The following DENND2C variants were observed in gnomAD, a reference collection of about 807,000 sequenced individuals.
DENND2C encodes the protein DENN domain containing 2C, also known as DENN domain-containing protein 2C.
Under a neutral mutation model 112.4 loss-of-function variants are expected in DENND2C, and 72 were observed. The ratio of observed to expected loss-of-function variants is 0.64; its 90% confidence interval spans 0.53 to 0.78. The LOEUF is 0.78. Ranked by LOEUF, DENND2C falls within the 30% of genes least tolerant of loss-of-function variation. The probability of loss-of-function intolerance (pLI) is 0.00; values close to 1 mark genes in which losing one functional copy is unlikely to be tolerated. For synonymous variants in DENND2C, 329 were observed against 381.6 expected, an observed-to-expected ratio of 0.86 and a Z score of 1.61; for missense variants, 992 against 1,113.8, an observed-to-expected ratio of 0.89 and a Z score of 1.56.
At chr1:114,627,426 C>A (rs142907632) in intron 3 of DENND2C, among the ~76,000 whole-genome samples, 1 of 152,038 alleles carries the variant, frequency 6.6e-6, no homozygotes, top group Non-Finnish European at 1.5e-5. Context: ...TATAGCTGAC[C>A]AAAACTGTTA....
rs769178798 is a variant in DENND2C at position 114,626,031 on chromosome 1, A to G, written c.-47T>C. On this transcript the variant is annotated 5_prime_UTR_variant, in exon 4 of 21. The change abolishes an upstream ATG in the 5' untranslated region. Transcript: ENST00000393274. Reference sequence around the variant, plus strand: ...AAGTGATGAATCTTACAAAGGTTCCATTACAAGTAAATGTGAAATATTGTA... The same window carrying G: ...AAGTGATGAATCTTACAAAGGTTCCGTTACAAGTAAATGTGAAATATTGTA... 6.7e-7 allele frequency: 1 copy of G among 1,492,598 alleles called. No individual in the cohort carries two copies. Among genetic ancestry groups the G allele is most frequent in the Non-Finnish European group, 9.1e-7 (1 of 1,098,668 alleles). 92.5% of individuals were successfully genotyped at this position (1,492,598 alleles called of 1,614,324 possible).
intron 2 of DENND2C, among the ~76,000 whole-genome samples, chr1:114,652,505 C>T (rs541155942): frequency 2.0e-5 from 3 of 152,048 alleles, no homozygotes; most frequent in Admixed American, 2.0e-4. Context: ...ACCATTTGAA[C>T]TTTTTCAATT....
intron 2 of DENND2C, among the ~76,000 whole-genome samples, chr1:114,646,117 CGGGGTTTCACCATGTTAGCCA>C (rs1486214855): frequency 6.6e-6 from 1 of 151,898 alleles, no homozygotes; most frequent in Non-Finnish European, 1.5e-5. Flanking sequence ...TTAGTAGAGA[CGGGGTTTCACCATGTTAGCCA>C]GGATGGTCTC....
At chr1:114,610,200 G>T (rs945555969) in intron 9 of DENND2C, among the ~76,000 whole-genome samples, 3 of 152,184 alleles carry the variant, frequency 2.0e-5, no homozygotes, top group Non-Finnish European at 4.4e-5. Flanking sequence ...TAACTAGAAA[G>T]CATCATCGTT....
At chr1:114,588,560 AG>A (rs1234583265) in intron 18 of DENND2C, 1 of 152,664 alleles carries the variant, frequency 6.6e-6, no homozygotes, top group Non-Finnish European at 1.5e-5. Context: ...CTACATTTTC[AG>A]GCTACCTACG....
At chr1:114,617,372 G>A (rs902689125) in intron 8 of DENND2C, among the ~76,000 whole-genome samples, 8 of 151,960 alleles carry the variant, frequency 5.3e-5, no homozygotes, top group African/African-American at 9.7e-5. Flanking sequence ...GTGCAGTGGC[G>A]CGATCTCACC....
intron 1 of DENND2C, among the ~76,000 whole-genome samples, chr1:114,660,033 C>G (rs1159363655): frequency 6.6e-6 from 1 of 152,182 alleles, no homozygotes; most frequent in Non-Finnish European, 1.5e-5. Context: ...TCAAGTGATA[C>G]TCCAGCCTCA....
intron 1 of DENND2C, among the ~76,000 whole-genome samples, chr1:114,656,566 T>G (rs1427922422): frequency 6.6e-6 from 1 of 151,102 alleles, no homozygotes; most frequent in Non-Finnish European, 1.5e-5. Flanking sequence ...CCAGCTCATT[T>G]TTTGTATTTT....
rs776722663 is a variant in DENND2C, at chr1:114,618,422, G to A, written c.1288C>T (p.His430Tyr). ...GGTAATTCCTTTCCAGTGTAAGAAT[G>A]TAACTTTACCTTCTTCTTCCCTCTT... ...SKRGKKKVKL[H>Y]SYTGKELPPT... Residue 430 changes from histidine (H) to tyrosine (Y), a missense_variant, in exon 8 of 21, where the codon CAT (histidine) becomes TAT (tyrosine). This residue lies in a region of DENND2C where 516 missense variants were observed against 623.6 expected (regional missense o/e 0.83). Transcript: ENST00000393274. 1.1e-5 allele frequency: 17 copies of A among 1,595,436 alleles called. No homozygotes were observed. The highest frequency in any genetic ancestry group is 3.6e-5 in the Admixed American group (2 of 55,340).
intron 8 of DENND2C, 22 bp downstream of exon 8, chr1:114,618,364 T>G (rs1289179607): frequency 2.7e-6 from 4 of 1,491,164 alleles, no homozygotes; most frequent in Non-Finnish European, 3.6e-6. Context: ...ACAGGATAGC[T>G]GGAACGAAAA....
At chr1:114,622,936 A>G (rs749295740) in intron 6 of DENND2C, 51 bp downstream of exon 6, 6 of 1,405,622 alleles carry the variant, frequency 4.3e-6, no homozygotes, top group Non-Finnish European at 4.9e-6. Flanking sequence ...CTTTTTGTAG[A>G]TACCATGAAT....
intron 1 of DENND2C, among the ~76,000 whole-genome samples, chr1:114,668,846 G>A (rs776117991): frequency 6.6e-6 from 1 of 152,080 alleles, no homozygotes; most frequent in African/African-American, 2.4e-5. Flanking sequence ...ACAAATTAAA[G>A]TCTTGATTTG....
Position 114,599,326 on chromosome 1 carries a change from A to G in DENND2C, c.2231T>C (p.Ile744Thr), listed in dbSNP as rs745817508. The change falls in exon 16 of 21, where the codon ATT (isoleucine) becomes ACT (threonine). Residue 744 changes from isoleucine (I) to threonine (T), a missense_variant. Physicochemically the swap from Ile to Thr is moderately conservative, Grantham distance 89 (BLOSUM62 -1). Transcript: ENST00000393274. The part of the protein sequence containing the change: ...DIVCSPTPFL[I>T]GILSCSLPQL... ...TGGTAAGGAGCAAGACAGGATTCCA[A>G]TAAGGAATGGTGTAGGTGAGCACAC... 2.0e-5 allele frequency: 32 copies of G among 1,614,002 alleles called. 1 individual carries two copies. The East Asian group carries it at 5.6e-4, about 28-fold the overall frequency.
chr1:114,608,338 GC>G (rs1027393576), intron 10 of DENND2C, among the ~76,000 whole-genome samples: 1 of 152,098 alleles, frequency 6.6e-6, no homozygotes, highest in African/African-American at 2.4e-5. Flanking sequence ...GAAATGCAGA[GC>G]TTTCACACAG....
At position 114,599,298 on chromosome 1, in the gene DENND2C, C is replaced by T. The variant is rs1655429307; in HGVS notation, c.2259G>A (p.Gln753=). 1 of 1,613,042 alleles carries T rather than the reference C, an allele frequency of 6.2e-7. No homozygotes were observed. Among genetic ancestry groups the T allele is most frequent in the African/African-American group, 1.3e-5 (1 of 74,998 alleles). The change falls in exon 16 of 21, where the codon CAG becomes CAA. Residue 753 remains glutamine (Q), a synonymous_variant. Coordinates refer to ENST00000393274, the MANE Select transcript of DENND2C (RefSeq NM_001256404.2). ...LIGILSCSLP[Q]LQDLPIEEVL... ...CCTCTTCAATGGGTAGGTCCTGGAG[C>T]TGTGGTAAGGAGCAAGACAGGATTC...
chr1:114,669,089 A>T (rs1295974473), intron 1 of DENND2C, among the ~76,000 whole-genome samples: 1 of 152,256 alleles, frequency 6.6e-6, no homozygotes, highest in African/African-American at 2.4e-5. Context: ...TTTACACAGT[A>T]AGCAAGGATC....
At chr1:114,656,746 T>C (rs1295628286) in intron 1 of DENND2C, among the ~76,000 whole-genome samples, 10 of 151,056 alleles carry the variant, frequency 6.6e-5, no homozygotes, top group African/African-American at 2.2e-4. Flanking sequence ...TTCTTTTGGG[T>C]ATTATCTAGG....
intron 12 of DENND2C, 142 bp from the exon 13 acceptor site, chr1:114,601,727 T>C (rs553461387): frequency 1.4e-6 from 1 of 713,090 alleles, no homozygotes; most frequent in Admixed American, 2.9e-5. Context: ...CACTGAAAGA[T>C]GTGAAAAGTG....
intron 3 of DENND2C, among the ~76,000 whole-genome samples, chr1:114,629,347 G>A (rs1656427946): frequency 2.0e-5 from 3 of 152,054 alleles, no homozygotes; most frequent in Admixed American, 6.6e-5. Flanking sequence ...GTGCAACCTC[G>A]GCTCACTGCA....
Sources: gnomAD v4.1 joint callset for allele counts (sites outside exome capture counted in the v4.1 genomes callset) on GRCh38, gnomAD v4.1.1 for gene constraint, gnomAD v4.1.1 regional missense constraint, MANE v1.5 for transcripts, NCBI Gene and HGNC (gene_info 2026-07-23, HGNC 2026-07-21) for gene names.